The following SIAH2 variants were observed in gnomAD, a reference collection of about 807,000 sequenced individuals.
The protein encoded by SIAH2 is E3 ubiquitin-protein ligase SIAH2.
SIAH2 carries 4 observed loss-of-function variants against 20.4 expected under a neutral mutation model. The observed-to-expected ratio is 0.20, with a 90% CI of 0.10 to 0.45. The LOEUF (loss-of-function observed/expected upper bound fraction) is 0.45. Among genes scored for constraint, SIAH2 ranks in the 20% least tolerant of loss-of-function variants. The pLI is 0.99. For synonymous variants in SIAH2, 171 were observed against 192.5 expected, an observed-to-expected ratio of 0.89 and a Z score of 0.93; for missense variants, 259 against 440.3, an observed-to-expected ratio of 0.59 and a Z score of 3.69.
At chr3:150,750,521 T>A (rs1355188273) in intron 1 of SIAH2, among the ~76,000 whole-genome samples, 1 of 152,262 alleles carries the variant, frequency 6.6e-6, no homozygotes, top group African/African-American at 2.4e-5. Context: ...GGTTTTGTCA[T>A]TTTTGATGAA....
rs529138780 is a variant in SIAH2, at chr3:150,742,917, T to A, written c.418-219A>T. On this transcript the variant is annotated intron_variant, in intron 1 of 1. Transcript: ENST00000312960. The surrounding 1 kb of genome is among the most constrained non-coding windows in gnomAD (Gnocchi z 4.8). ...TGAAGGGTATTTCCTGAACCAGAAA[T>A]ACGCTGTTTTCCATGCCCCCTGTTC... 6.6e-6 allele frequency among the ~76,000 whole-genome samples: 1 copy of A among 152,216 alleles called. No homozygotes were observed. Among genetic ancestry groups the A allele is most frequent in the Non-Finnish European group, 1.5e-5 (1 of 68,032 alleles).
intron 1 of SIAH2, among the ~76,000 whole-genome samples, chr3:150,757,550 A>G (rs997613887): frequency 3.9e-5 from 6 of 152,208 alleles, no homozygotes; most frequent in Admixed American, 2.0e-4. Flanking sequence ...ATGCTTCTAC[A>G]AGAGAATCAG....
Position 150,742,040 on chromosome 3 carries a change from G to T in SIAH2, c.*101C>A. 1.7e-6 allele frequency: 2 copies of T among 1,151,802 alleles called. No individual in the cohort carries two copies. The highest frequency in any genetic ancestry group is 2.5e-6 in the Non-Finnish European group (2 of 814,856). The allele number at this position is 1,151,802 out of a possible 1,614,324, so 71.3% of individuals were successfully genotyped here. On this transcript the variant is annotated 3_prime_UTR_variant, in exon 2 of 2. Transcript: ENST00000312960. The surrounding 1 kb of genome is among the most constrained non-coding windows in gnomAD (Gnocchi z 4.8). ...TCAAACAAAACACGGGTAATTGTGG[G>T]TCCTGACTTGTGAAGACATATGGAA...
chr3:150,750,491 T>C (rs1714331589), intron 1 of SIAH2, among the ~76,000 whole-genome samples: 1 of 152,218 alleles, frequency 6.6e-6, no homozygotes, highest in African/African-American at 2.4e-5. Context: ...GAAATGTTTG[T>C]TTTAGATTTC....
intron 1 of SIAH2, among the ~76,000 whole-genome samples, chr3:150,755,322 C>CTTTTTTT (rs386398232): frequency 3.7e-5 from 3 of 80,134 alleles, no homozygotes; most frequent in Non-Finnish European, 4.4e-5. Flanking sequence ...CTTTTCTTCC[C>CTTTTTTT]TTTTTTTTTT....
In SIAH2 at chr3:150,757,675, T is replaced by C. The variant is rs991953883; in HGVS notation, c.417+4758A>G. On this transcript the variant is annotated intron_variant, in intron 1 of 1. Transcript: ENST00000312960. ...GCCAATGCTAGAAAAAAAATCGAGA[T>C]ATTTAACATAAAAAAAAAATCCAGG... Among the ~76,000 whole-genome samples, 94 of 151,770 alleles carry C rather than the reference T, an allele frequency of 6.2e-4. 1 individual carries two copies. Among genetic ancestry groups the C allele is most frequent in the African/African-American group, 2.1e-3 (88 of 41,356 alleles).
intron 1 of SIAH2, among the ~76,000 whole-genome samples, chr3:150,743,822 T>C (rs1387427254): frequency 1.3e-5 from 2 of 152,038 alleles, no homozygotes; most frequent in Admixed American, 6.6e-5. Context: ...ACTAAGCTGT[T>C]CTGTAAAGAA....
In SIAH2 at chr3:150,762,903, C is replaced by G. The variant is rs562473948; in HGVS notation, c.-54G>C. On this transcript the variant is annotated 5_prime_UTR_variant, in exon 1 of 2. Transcript: ENST00000312960. This position sits in a 1 kb window ranked among gnomAD's most constrained non-coding sequence, Gnocchi z 6.6. The stretch of plus-strand genomic sequence containing the variant: ...GGCGCCTGCCTGCCGCGGGGCCGCC[C>G]GGGTCAAGGCGGTGCGCGCCCCGCG... The G allele has an allele frequency of 4.4e-6, 5 of 1,137,630 alleles. No homozygotes were observed. In the South Asian group the frequency reaches 1.6e-4, roughly 38 times the overall value. 70.5% of individuals were successfully genotyped at this position (1,137,630 alleles called of 1,614,324 possible).
chr3:150,752,742 T>C (rs1477434008), intron 1 of SIAH2, among the ~76,000 whole-genome samples: 1 of 152,216 alleles, frequency 6.6e-6, no homozygotes, highest in African/African-American at 2.4e-5. Context: ...AACTGGGCAC[T>C]CTGTATTTAT....
intron 1 of SIAH2, among the ~76,000 whole-genome samples, chr3:150,751,977 C>T (rs552012177): frequency 2.0e-5 from 3 of 152,278 alleles, no homozygotes; most frequent in South Asian, 2.1e-4. Context: ...AAACTTTAAA[C>T]AAAGGTTGAC....
chr3:150,743,525 G>C (rs1714145149), intron 1 of SIAH2, among the ~76,000 whole-genome samples: 1 of 152,154 alleles, frequency 6.6e-6, no homozygotes, highest in South Asian at 2.1e-4. Context: ...TCATTTCATG[G>C]TCAGGTATGT....
chr3:150,757,671 G>C (rs116607840), intron 1 of SIAH2, among the ~76,000 whole-genome samples: 1,894 of 151,894 alleles, frequency 0.012, 43 homozygotes, highest in African/African-American at 0.044. Context: ...AAAAAAAATC[G>C]AGATATTTAA....
At chr3:150,748,792 G>C (rs532823044) in intron 1 of SIAH2, among the ~76,000 whole-genome samples, 17 of 152,188 alleles carry the variant, frequency 1.1e-4, no homozygotes, top group South Asian at 4.1e-4. Flanking sequence ...ACCTAAGTAA[G>C]TTGTAATGAT....
chr3:150,758,734 C>CTATTT, intron 1 of SIAH2, among the ~76,000 whole-genome samples: 1 of 141,956 alleles, frequency 7.0e-6, no homozygotes, highest in African/African-American at 2.8e-5. Flanking sequence ...CCACACCTGG[C>CTATTT]TATTTTTTTT....
rs1576584893 is a variant in SIAH2, at chr3:150,762,156, G to A, written c.417+277C>T. 1.0e-5 allele frequency: 5 copies of A among 479,636 alleles called. No homozygotes were observed. In the East Asian group the frequency reaches 1.5e-4, roughly 14 times the overall value. 29.7% of individuals were successfully genotyped at this position (479,636 alleles called of 1,614,324 possible). A position where few individuals can be genotyped will look rare whatever the true frequency, so the allele number is the denominator to read the frequency against. On this transcript the variant is annotated intron_variant, in intron 1 of 1. Coordinates refer to ENST00000312960, the MANE Select transcript of SIAH2 (RefSeq NM_005067.7). The surrounding 1 kb of genome is among the most constrained non-coding windows in gnomAD (Gnocchi z 6.6). Reference sequence around the variant, plus strand: ...GAGTACCCGAATACACGTCTGCAGAGGACGCGGGCATTGGGCCGGGTGAGC... The same window carrying A: ...GAGTACCCGAATACACGTCTGCAGAAGACGCGGGCATTGGGCCGGGTGAGC...
chr3:150,757,637 A>G (rs1245028890), intron 1 of SIAH2, among the ~76,000 whole-genome samples: 1 of 152,020 alleles, frequency 6.6e-6, no homozygotes, highest in Non-Finnish European at 1.5e-5. Context: ...TGGTGGTTAT[A>G]CATGTGAAGT....
At chr3:150,747,844 A>G (rs57275328) in intron 1 of SIAH2, among the ~76,000 whole-genome samples, 21,268 of 151,672 alleles carry the variant, frequency 0.14, 2,962 homozygotes, top group East Asian at 0.37. Context: ...GGCACCTGTA[A>G]TCCCAGCTAC....
intron 1 of SIAH2, among the ~76,000 whole-genome samples, chr3:150,759,586 A>T (rs1462662048): frequency 1.3e-5 from 2 of 152,184 alleles, no homozygotes; most frequent in Non-Finnish European, 2.9e-5. Flanking sequence ...AGGACAAAAC[A>T]TCTGTGCCTT....
intron 1 of SIAH2, among the ~76,000 whole-genome samples, chr3:150,744,473 T>G (rs1338675013): frequency 6.6e-6 from 1 of 152,244 alleles, no homozygotes; most frequent in Non-Finnish European, 1.5e-5. Context: ...TATTTATCCA[T>G]GTGTATTCAT....
Sources: gnomAD v4.1 joint callset for allele counts (sites outside exome capture counted in the v4.1 genomes callset) on GRCh38, gnomAD v4.1.1 for gene constraint, Gnocchi (gnomAD v3.1) non-coding constraint, MANE v1.5 for transcripts, NCBI Gene and HGNC (gene_info 2026-07-23, HGNC 2026-07-21) for gene names.